NFX1: variants seen among roughly 807,000 people sequenced by gnomAD.
NFX1 encodes transcriptional repressor NF-X1.
NFX1 carries 69 observed loss-of-function variants against 137.2 expected under a neutral mutation model. That is an observed-to-expected ratio of 0.50 (90% CI 0.41 to 0.61). The LOEUF (loss-of-function observed/expected upper bound fraction) is 0.61. Ranked by LOEUF, NFX1 falls within the 20% of genes least tolerant of loss-of-function variation. The probability of loss-of-function intolerance (pLI) is 0.00; values close to 1 mark genes in which losing one functional copy is unlikely to be tolerated. For synonymous variants in NFX1, 495 were observed against 474.1 expected (o/e 1.04, Z -0.57); for missense variants, 1,167 against 1,391.0 (o/e 0.84, Z 2.56).
chr9:33,342,915 C>A, intron 13 of NFX1, 61 bp downstream of exon 13: 1 of 1,063,598 alleles, frequency 9.4e-7, no homozygotes, highest in Non-Finnish European at 1.4e-6. Context: ...ACATAATATA[C>A]TTTGAGAGAT....
intron 9 of NFX1, among the ~76,000 whole-genome samples, chr9:33,322,201 GAAA>G (rs36109934): frequency 5.9e-5 from 6 of 101,066 alleles, no homozygotes; most frequent in African/African-American, 2.3e-4. Context: ...ACTCCATCTC[GAAA>G]AAAAAAAAAA....
intron 2 of NFX1, among the ~76,000 whole-genome samples, chr9:33,295,903 A>T (rs559888372): frequency 5.9e-5 from 9 of 152,204 alleles, no homozygotes; most frequent in Non-Finnish European, 1.2e-4. Context: ...TTAAACCAGC[A>T]TCAGAGAGCA....
At position 33,343,935 on chromosome 9, in the gene NFX1, T is replaced by G; in HGVS notation, c.2225-134T>G. On this transcript the variant is annotated intron_variant, in intron 13 of 23. Transcript: ENST00000379540. Reference sequence around the variant, plus strand: ...AAGTTTAATAAAATAAAAACCTCTTTTGAAAAAAGTAGCACCCCCATAAAT... The same window carrying G: ...AAGTTTAATAAAATAAAAACCTCTTGTGAAAAAAGTAGCACCCCCATAAAT... The G allele has an allele frequency of 5.2e-6, 6 of 1,152,342 alleles. No homozygotes were observed. The South Asian group carries it at 7.4e-5, about 14-fold the overall frequency. 71.4% of individuals were successfully genotyped at this position (1,152,342 alleles called of 1,614,324 possible). A position where few individuals can be genotyped will look rare whatever the true frequency, so the allele number is the denominator to read the frequency against.
At chr9:33,296,216 C>T (rs1175840788) in intron 2 of NFX1, among the ~76,000 whole-genome samples, 2 of 152,198 alleles carry the variant, frequency 1.3e-5, no homozygotes, top group Non-Finnish European at 2.9e-5. Flanking sequence ...AGCCACTGCG[C>T]CCTGCCTAAA....
At chr9:33,344,301 TC>T in intron 14 of NFX1, 113 bp downstream of exon 14, 1 of 1,458,070 alleles carries the variant, frequency 6.9e-7, no homozygotes. Flanking sequence ...TGCCCCTTGC[TC>T]CCGGCTCAGG....
chr9:33,313,644 G>A lies in NFX1; in HGVS notation c.1449-10G>A. 6.2e-7 allele frequency: 1 copy of A among 1,613,720 alleles called. No homozygotes were observed. Among genetic ancestry groups the A allele is most frequent in the Non-Finnish European group, 8.5e-7 (1 of 1,179,666 alleles). On this transcript the variant is annotated splice_polypyrimidine_tract_variant and intron_variant, in intron 6 of 23. Transcript: ENST00000379540. ...CACTGATGCTGTCTTTACATCTATT[G>A]TCTTTACAGGCACACAGTTCGCTGT...
rs569798737 is a variant in NFX1, at chr9:33,291,353, G to A, written c.25+756G>A. 2.0e-5 allele frequency among the ~76,000 whole-genome samples: 3 copies of A among 152,340 alleles called. No individual in the cohort carries two copies. The South Asian group carries it at 6.2e-4, about 32-fold the overall frequency. ...AACCAGAAGTTTCTGGAAGCAGTGA[G>A]GTTGGTTGGTTTGTTTTACAATCAG... On this transcript the variant is annotated intron_variant, in intron 1 of 23. Coordinates refer to ENST00000379540, the MANE Select transcript of NFX1 (RefSeq NM_002504.6).
intron 7 of NFX1, among the ~76,000 whole-genome samples, chr9:33,315,494 A>G (rs1432355975): frequency 1.3e-5 from 2 of 152,102 alleles, no homozygotes; most frequent in Admixed American, 6.6e-5. Flanking sequence ...TGGGTTGTTC[A>G]AAATCAGCTG....
chr9:33,319,076 G>A lies in NFX1; in HGVS notation c.1855G>A (p.Val619Met). The A allele has an allele frequency of 6.2e-7, 1 of 1,614,222 alleles. No homozygotes were observed. Among genetic ancestry groups the A allele is most frequent in the Non-Finnish European group, 8.5e-7 (1 of 1,180,048 alleles). The change falls in exon 9 of 24, where the codon GTG (valine) becomes ATG (methionine). Residue 619 changes from valine to methionine, a missense_variant. Val to Met is a conservative substitution (Grantham distance 21). Transcript: ENST00000379540. ...TAGTCGGAAAACATGCATGGACCCT[G>A]TGCCTTCATGTGGAAAAGTGTGCGG... Reference protein sequence around the residue: ...SSSRKTCMDPVPSCGKVCGKP... With the variant: ...SSSRKTCMDPMPSCGKVCGKP...
intron 7 of NFX1, among the ~76,000 whole-genome samples, chr9:33,317,900 G>A (rs913470601): frequency 6.7e-6 from 1 of 149,660 alleles, no homozygotes; most frequent in South Asian, 2.1e-4. Flanking sequence ...TGCATGAACC[G>A]GGGAGGTGGA....
intron 18 of NFX1, 106 bp downstream of exon 18, chr9:33,354,293 C>A: frequency 1.2e-6 from 1 of 861,204 alleles, no homozygotes; most frequent in Non-Finnish European, 1.8e-6. Flanking sequence ...GCCTTGCATA[C>A]ACAATAAGTA....
rs1821272832 is a variant in NFX1 at position 33,294,484 on chromosome 9, A to G, written c.90A>G (p.Leu30=). 3 of 1,610,818 alleles carry G rather than the reference A, an allele frequency of 1.9e-6. No individual in the cohort carries two copies. In the South Asian group the frequency reaches 3.3e-5, roughly 18 times the overall value. ...CTCAGGAGAAAAAAAATTCTGGTCT[A>G]AATTGTGGGACTCAAAGGAGACTAG... ...FIPQEKKNSG[L]NCGTQRRLDS... The change falls in exon 2 of 24, where the codon CTA becomes CTG. Residue 30 remains leucine (L), a synonymous_variant. Transcript: ENST00000379540.
At chr9:33,317,199 A>G (rs1822193820) in intron 7 of NFX1, among the ~76,000 whole-genome samples, 1 of 150,194 alleles carries the variant, frequency 6.7e-6, no homozygotes, top group South Asian at 2.1e-4. Context: ...TGGGCTGATC[A>G]CTTGAGCCCA....
rs562202694 is a variant in NFX1 at position 33,355,364 on chromosome 9, G to A, written c.2873+472G>A. 2.0e-5 allele frequency among the ~76,000 whole-genome samples: 3 copies of A among 152,240 alleles called. No individual in the cohort carries two copies. In the South Asian group the frequency reaches 6.2e-4, roughly 32 times the overall value. ...AAGATAATTACCAGAACCGTCTCTT[G>A]TACTCTACATAAAGGTGAAACCTCT... On this transcript the variant is annotated intron_variant, in intron 19 of 23. Transcript: ENST00000379540.
chr9:33,314,236 G>A (rs1315254606), intron 7 of NFX1, among the ~76,000 whole-genome samples: 2 of 151,954 alleles, frequency 1.3e-5, no homozygotes, highest in Non-Finnish European at 2.9e-5. Flanking sequence ...ATGCCTGCCT[G>A]GGCCTCCCAA....
intron 10 of NFX1, among the ~76,000 whole-genome samples, chr9:33,331,366 A>G (rs1822800308): frequency 1.3e-5 from 2 of 152,234 alleles, no homozygotes; most frequent in African/African-American, 4.8e-5. Context: ...TGATAAATGT[A>G]TGCTGTGTCT....
rs752567124 is a variant in NFX1 at position 33,295,329 on chromosome 9, A to G, written c.935A>G (p.Gln312Arg). 3.7e-6 allele frequency: 6 copies of G among 1,614,206 alleles called. No homozygotes were observed. The Admixed American group carries it at 5.0e-5, about 13-fold the overall frequency. Residue 312 changes from glutamine to arginine, a missense_variant, in exon 2 of 24, where the codon CAA becomes CGA. This residue lies in a region of NFX1 where 367 missense variants were observed against 386.7 expected (regional missense o/e 0.95). Transcript: ENST00000379540. ...VINKSSRRVD[Q>R]EKCTVRRQDP... ...AACAAGTCTTCCAGGAGGGTTGACC[A>G]AGAGAAATGCACTGTACGGAGGCAG... is the stretch of plus-strand genomic sequence containing the variant.
At chr9:33,346,021 A>C (rs73478927) in intron 14 of NFX1, among the ~76,000 whole-genome samples, 5,465 of 152,310 alleles carry the variant, frequency 0.036, 330 homozygotes, top group African/African-American at 0.13. Flanking sequence ...TTCAGACTTA[A>C]AACTAGAAAA....
Position 33,338,544 on chromosome 9 carries a change from G to T in NFX1, c.2070G>T (p.Lys690Asn). 6.2e-7 allele frequency: 1 copy of T among 1,603,340 alleles called. No homozygotes were observed. The highest frequency in any genetic ancestry group is 1.1e-5 in the South Asian group (1 of 87,938). Residue 690 changes from lysine to asparagine, a missense_variant, in exon 12 of 24, where the codon AAG (lysine) becomes AAT (asparagine). Transcript: ENST00000379540. ...TTATGTGTGACAAGCGGTGTAACAA[G>T]AAACGGTTGTGTGGACGGCATAAAT... ...ATFMCDKRCN[K>N]KRLCGRHKCN...
Sources: allele counts gnomAD v4.1 joint callset (sites outside exome capture counted in the v4.1 genomes callset), GRCh38; gene constraint gnomAD v4.1.1; regional missense constraint gnomAD v4.1.1; transcripts MANE v1.5; gene names NCBI Gene and HGNC (gene_info 2026-07-23, HGNC 2026-07-21).